Variants in NUP37 observed in about 807,000 individuals in gnomAD.
NUP37 encodes nucleoporin 37.
A neutral mutation model predicts 45.4 loss-of-function variants in NUP37; 33 were observed. That is an observed-to-expected ratio of 0.73 (90% CI 0.55 to 0.97). The LOEUF (loss-of-function observed/expected upper bound fraction) is 0.97. NUP37 is among the 50% of genes least tolerant of loss of function. NUP37 has a pLI of 0.00. For synonymous variants in NUP37, 127 were observed against 130.7 expected (o/e 0.97, Z 0.19); for missense variants, 365 against 389.7 (o/e 0.94, Z 0.53).
At chr12:102,106,291 G>A (rs965219514) in intron 3 of NUP37, among the ~76,000 whole-genome samples, 1 of 152,102 alleles carries the variant, frequency 6.6e-6, no homozygotes, top group Admixed American at 6.6e-5. Context: ...TGGCAACAGT[G>A]GGAAATAAAG....
At chr12:102,109,336 T>G (rs1594399552) in intron 3 of NUP37, among the ~76,000 whole-genome samples, 1 of 152,278 alleles carries the variant, frequency 6.6e-6, no homozygotes, top group East Asian at 1.9e-4. Flanking sequence ...TTAATGATGA[T>G]AAGAGAGATG....
chr12:102,085,803 C>A lies in NUP37; in HGVS notation c.503G>T (p.Gly168Val), dbSNP rs971159505. Reference protein sequence around the residue: ...QTAHFVLHSPGMSVCWHPEET... With the variant: ...QTAHFVLHSPVMSVCWHPEET... ...CTCAGGATGCCAGCACACACTCATG[C>A]CAGGAGAATGAAGAACAAAATGAGC... is the stretch of plus-strand genomic sequence containing the variant. The change falls in exon 6 of 10, where the codon GGC becomes GTC. Residue 168 changes from glycine (G) to valine (V), a missense_variant. Physicochemically the swap from Gly to Val is moderately radical, Grantham distance 109 (BLOSUM62 -3). Coordinates refer to ENST00000552283, the MANE Select transcript of NUP37 (RefSeq NM_024057.4). 1.4e-5 allele frequency: 22 copies of A among 1,600,282 alleles called. No homozygotes were observed. The highest frequency in any genetic ancestry group is 1.8e-5 in the Non-Finnish European group (21 of 1,169,532).
chr12:102,074,975 T>G (rs968676136), intron 9 of NUP37, 26 bp downstream of exon 9: 2 of 1,390,302 alleles, frequency 1.4e-6, no homozygotes, highest in Non-Finnish European at 2.0e-6. Flanking sequence ...AAAAAGCACG[T>G]ATGTTACAAA....
At position 102,118,416 on chromosome 12, in the gene NUP37, G is replaced by C; in HGVS notation, c.103C>G (p.Leu35Val). ...NPFENGDSGN[L>V]IAYGGNNYVV... ...TAATTATTGCCACCATATGCAATTA[G>C]GTTTCCTGAATCCCCATTCTCAAAG... Residue 35 changes from leucine to valine, a missense_variant, in exon 2 of 10, where the codon CTA (leucine) becomes GTA (valine). Transcript: ENST00000552283. 1 of 1,613,946 alleles carries C rather than the reference G, an allele frequency of 6.2e-7. No individual in the cohort carries two copies. The highest frequency in any genetic ancestry group is 8.5e-7 in the Non-Finnish European group (1 of 1,179,974).
At chr12:102,078,684 G>A (rs1244104833) in intron 6 of NUP37, among the ~76,000 whole-genome samples, 1 of 152,156 alleles carries the variant, frequency 6.6e-6, no homozygotes, top group Admixed American at 6.5e-5. Context: ...GGATTGTTGT[G>A]ATGATTAAAT....
chr12:102,092,256 A>G (rs1421722705), intron 5 of NUP37, among the ~76,000 whole-genome samples: 1 of 152,234 alleles, frequency 6.6e-6, no homozygotes, highest in Non-Finnish European at 1.5e-5. Context: ...TAAATGACAC[A>G]TCTGTATCCA....
chr12:102,115,732 G>A (rs1156471874), intron 2 of NUP37: 1 of 638,452 alleles, frequency 1.6e-6, no homozygotes, highest in Non-Finnish European at 1.9e-6. Context: ...TATCTACAAC[G>A]TTTTCTAAAC....
chr12:102,118,071 T>G (rs1047120606), intron 2 of NUP37, among the ~76,000 whole-genome samples: 1 of 152,210 alleles, frequency 6.6e-6, no homozygotes, highest in Admixed American at 6.5e-5. Flanking sequence ...TTTATATTGT[T>G]TTTTTCCTGT....
chr12:102,074,547 A>G (rs1472550776), intron 9 of NUP37, 80 bp from the exon 10 acceptor site: 1 of 793,396 alleles, frequency 1.3e-6, no homozygotes, highest in Non-Finnish European at 2.1e-6. Flanking sequence ...AAAATATGAA[A>G]TGCATTGATG....
intron 5 of NUP37, among the ~76,000 whole-genome samples, chr12:102,094,264 G>A (rs899877097): frequency 1.3e-5 from 2 of 152,062 alleles, no homozygotes; most frequent in African/African-American, 4.8e-5. Context: ...AAAAATTAGA[G>A]TGAGTTTTAG....
intron 6 of NUP37, chr12:102,079,343 C>T: frequency 2.4e-6 from 1 of 419,570 alleles, no homozygotes; most frequent in South Asian, 1.8e-5. Context: ...TATTATTCAT[C>T]TAACAGGCTT....
intron 5 of NUP37, among the ~76,000 whole-genome samples, chr12:102,094,317 A>T (rs912573367): frequency 6.6e-6 from 1 of 152,176 alleles, no homozygotes; most frequent in Non-Finnish European, 1.5e-5. Context: ...CTATAACAGT[A>T]TAATAAATCA....
At chr12:102,076,017 T>C (rs1471517204) in intron 8 of NUP37, among the ~76,000 whole-genome samples, 2 of 152,014 alleles carry the variant, frequency 1.3e-5, no homozygotes, top group Non-Finnish European at 2.9e-5. Context: ...ATGAAAAGGG[T>C]CTGAGCTCTT....
rs1178852771 is a variant in NUP37 at position 102,120,075 on chromosome 12, G to C, written c.-91C>G. ...CGCAGAGCGCCAGGAACCGACCAGA[G>C]GCAGGCTGGTCTTCCTTGGGGGCTG... On this transcript the variant is annotated 5_prime_UTR_variant, in exon 1 of 10. Coordinates refer to ENST00000552283, the MANE Select transcript of NUP37 (RefSeq NM_024057.4). 1 of 159,046 alleles carries C rather than the reference G, an allele frequency of 6.3e-6. No homozygotes were observed. The highest frequency in any genetic ancestry group is 1.5e-4 in the South Asian group (1 of 6,580). The allele number at this position is 159,046 out of a possible 1,614,324, so 9.9% of individuals were successfully genotyped here.
chr12:102,099,064 A>T (rs374242305), intron 5 of NUP37, 42 bp downstream of exon 5: 9 of 1,255,756 alleles, frequency 7.2e-6, no homozygotes, highest in Non-Finnish European at 9.3e-6. Flanking sequence ...ATTCTCATTA[A>T]AATGGCAATT....
At chr12:102,109,395 A>C (rs1399954824) in intron 3 of NUP37, among the ~76,000 whole-genome samples, 2 of 152,172 alleles carry the variant, frequency 1.3e-5, no homozygotes, top group Non-Finnish European at 2.9e-5. Flanking sequence ...ATTTTAGAAT[A>C]CTATAAAAAA....
intron 7 of NUP37, 46 bp from the exon 8 acceptor site, chr12:102,076,893 A>T: frequency 7.2e-7 from 1 of 1,394,038 alleles, no homozygotes; most frequent in South Asian, 1.2e-5. Context: ...GTTAAACTCA[A>T]GTGGGTGAAC....
intron 6 of NUP37, among the ~76,000 whole-genome samples, chr12:102,083,755 T>C (rs188248221): frequency 1.3e-5 from 2 of 152,328 alleles, no homozygotes; most frequent in Admixed American, 1.3e-4. Context: ...ATACGCAAAG[T>C]TGCTCAAGAG....
intron 2 of NUP37, among the ~76,000 whole-genome samples, chr12:102,113,663 C>G (rs1398875581): frequency 3.9e-5 from 6 of 152,130 alleles, no homozygotes; most frequent in Non-Finnish European, 7.3e-5. Flanking sequence ...ATCTTCTGTG[C>G]TAACTACAGT....
Sources: gnomAD v4.1 joint callset for allele counts (sites outside exome capture counted in the v4.1 genomes callset) on GRCh38, gnomAD v4.1.1 for gene constraint, MANE v1.5 for transcripts, NCBI Gene and HGNC (gene_info 2026-07-23, HGNC 2026-07-21) for gene names.